STPG2: variants seen among roughly 807,000 people sequenced by gnomAD.
STPG2 encodes sperm tail PG-rich repeat containing 2, also known as sperm-tail PG-rich repeat-containing protein 2.
In STPG2, 56 loss-of-function variants were observed where a neutral mutation model predicts 54.2. That is an observed-to-expected ratio of 1.03 (90% CI 0.83 to 1.29). The LOEUF (loss-of-function observed/expected upper bound fraction) is 1.29. Ranked by LOEUF, STPG2 falls within the 50% of genes most tolerant of loss-of-function variation. STPG2 has a pLI of 0.00. For synonymous variants in STPG2, 200 were observed against 181.8 expected (o/e 1.10, Z -0.81); for missense variants, 596 against 544.9 (o/e 1.09, Z -0.93).
chr4:97,902,796 A>G (rs1731228602), intron 8 of STPG2, among the ~76,000 whole-genome samples: 1 of 152,208 alleles, frequency 6.6e-6, no homozygotes, highest in Non-Finnish European at 1.5e-5. Flanking sequence ...ACTTTTGGCT[A>G]TACATCCAAA....
At chr4:98,141,753 C>T (rs1740287260) in intron 1 of STPG2, among the ~76,000 whole-genome samples, 1 of 152,002 alleles carries the variant, frequency 6.6e-6, no homozygotes, top group Non-Finnish European at 1.5e-5. Flanking sequence ...ATATTTGGCT[C>T]GGAATAAATC....
chr4:97,865,216 A>T (rs1157051200), intron 8 of STPG2, among the ~76,000 whole-genome samples: 2 of 152,164 alleles, frequency 1.3e-5, no homozygotes, highest in African/African-American at 4.8e-5. Flanking sequence ...TAATATCCAG[A>T]ATCTACAAAG....
At chr4:97,921,161 CAT>C (rs988932287) in intron 8 of STPG2, among the ~76,000 whole-genome samples, 1 of 152,116 alleles carries the variant, frequency 6.6e-6, no homozygotes, top group African/African-American at 2.4e-5. Flanking sequence ...ATAGTCTCCT[CAT>C]AGGGGGAAGG....
intron 10 of STPG2, among the ~76,000 whole-genome samples, chr4:97,594,236 A>G (rs1425775475): frequency 6.6e-6 from 1 of 152,244 alleles, no homozygotes; most frequent in Middle Eastern, 3.2e-3. Flanking sequence ...AACCCAATTC[A>G]AGGATTCTAA....
At chr4:97,930,525 C>A (rs1732503791) in intron 8 of STPG2, among the ~76,000 whole-genome samples, 1 of 151,986 alleles carries the variant, frequency 6.6e-6, no homozygotes, top group Non-Finnish European at 1.5e-5. Context: ...CTTTTTTGTT[C>A]CATTGGTCTA....
chr4:97,470,958 C>A (rs1469301309), intron 4 of STPG2, among the ~76,000 whole-genome samples: 1 of 152,058 alleles, frequency 6.6e-6, no homozygotes, highest in Admixed American at 6.6e-5. Flanking sequence ...GATCCTGGAT[C>A]ATCAAGCCAT....
At chr4:97,955,243 C>T (rs529313529) in intron 7 of STPG2, among the ~76,000 whole-genome samples, 69 of 141,582 alleles carry the variant, frequency 4.9e-4, no homozygotes, top group Non-Finnish European at 8.8e-4. Flanking sequence ...GAGACAGCAT[C>T]TCACTCTGTC....
chr4:97,912,248 A>C (rs1731709258), intron 8 of STPG2, among the ~76,000 whole-genome samples: 1 of 152,178 alleles, frequency 6.6e-6, no homozygotes, highest in South Asian at 2.1e-4. Flanking sequence ...AAGTCAAAAA[A>C]CTACAGCGCC....
chr4:97,896,649 T>A (rs980929634), intron 8 of STPG2, among the ~76,000 whole-genome samples: 6 of 151,834 alleles, frequency 4.0e-5, no homozygotes, highest in African/African-American at 1.4e-4. Flanking sequence ...ATTAATTTAA[T>A]TGAGAGTTGA....
intron 4 of STPG2, among the ~76,000 whole-genome samples, chr4:97,497,936 G>A (rs1009342045): frequency 1.3e-5 from 2 of 151,676 alleles, no homozygotes; most frequent in African/African-American, 4.8e-5. Flanking sequence ...CTAAGGCTGA[G>A]GCTTAACAAA....
intron 7 of STPG2, among the ~76,000 whole-genome samples, chr4:97,944,450 T>C (rs1276617153): frequency 6.6e-6 from 1 of 152,000 alleles, no homozygotes; most frequent in Non-Finnish European, 1.5e-5. Flanking sequence ...ATCCACTCAC[T>C]CTCTTAAATA....
intron 9 of STPG2, among the ~76,000 whole-genome samples, chr4:97,809,199 A>G (rs1180368398): frequency 6.6e-6 from 1 of 152,212 alleles, no homozygotes; most frequent in Admixed American, 6.5e-5. Context: ...AGATAGAAAT[A>G]TCTCAAGTCC....
At chr4:97,583,172 AAGAAG>A (rs1732903005) in intron 10 of STPG2, among the ~76,000 whole-genome samples, 1 of 151,974 alleles carries the variant, frequency 6.6e-6, no homozygotes, top group African/African-American at 2.4e-5. Context: ...TAACCACTAG[AAGAAG>A]AGATAAGTGT....
chr4:97,602,849 C>A (rs967035198), intron 10 of STPG2, among the ~76,000 whole-genome samples: 1 of 151,512 alleles, frequency 6.6e-6, no homozygotes, highest in African/African-American at 2.4e-5. Flanking sequence ...AATCAATTGG[C>A]CATTTTTAAC....
chr4:97,914,064 C>T (rs1034544040), intron 8 of STPG2, among the ~76,000 whole-genome samples: 1 of 152,144 alleles, frequency 6.6e-6, no homozygotes, highest in African/African-American at 2.4e-5. Flanking sequence ...CATAGACCTA[C>T]ACATGCAATA....
At chr4:97,852,347 C>T (rs959336440) in intron 8 of STPG2, among the ~76,000 whole-genome samples, 15 of 152,104 alleles carry the variant, frequency 9.9e-5, no homozygotes, top group Admixed American at 9.8e-4. Flanking sequence ...TAAGGTAGTG[C>T]TACTAAAATA....
intron 4 of STPG2, among the ~76,000 whole-genome samples, chr4:97,445,671 C>T (rs1282918407): frequency 6.6e-6 from 1 of 152,106 alleles, no homozygotes; most frequent in Non-Finnish European, 1.5e-5. Flanking sequence ...TGGCTAGTGG[C>T]TACCATCATG....
chr4:97,598,966 T>C (rs1733381077), intron 10 of STPG2, among the ~76,000 whole-genome samples: 1 of 151,542 alleles, frequency 6.6e-6, no homozygotes, highest in South Asian at 2.1e-4. Context: ...AGCAAAAGAT[T>C]TCAACAGACA....
chr4:97,498,237 C>G (rs1170943213), intron 4 of STPG2, among the ~76,000 whole-genome samples: 3 of 151,788 alleles, frequency 2.0e-5, no homozygotes, highest in African/African-American at 7.3e-5. Context: ...ATGCTGACCA[C>G]CTTTAAATAG....
Sources: allele counts gnomAD v4.1 joint callset (sites outside exome capture counted in the v4.1 genomes callset), GRCh38; gene constraint gnomAD v4.1.1; transcripts MANE v1.5; gene names NCBI Gene and HGNC (gene_info 2026-07-23, HGNC 2026-07-21).